The following TOR1B variants were observed in gnomAD, a reference collection of about 807,000 sequenced individuals.
The protein encoded by TOR1B is torsin-1B.
Under a neutral mutation model 29.2 loss-of-function variants are expected in TOR1B, and 14 were observed. That is an observed-to-expected ratio of 0.48 (90% confidence interval 0.32 to 0.75). The LOEUF (loss-of-function observed/expected upper bound fraction) is 0.75. Ranked by LOEUF, TOR1B falls within the 30% of genes least tolerant of loss-of-function variation. The pLI is 0.04. For missense variants in TOR1B, 400 were observed against 433.9 expected (o/e 0.92, Z 0.69); for synonymous variants, 166 against 179.8 (o/e 0.92, Z 0.62).
rs753851057 is a variant in TOR1B at position 129,803,399 on chromosome 9, C to T, written c.187C>T (p.Leu63Phe). The T allele has an allele frequency of 6.5e-7, 1 of 1,543,996 alleles. No individual in the cohort carries two copies. Among genetic ancestry groups the T allele is most frequent in the South Asian group, 1.2e-5 (1 of 84,456 alleles). ...FAECCREERP[L>F]NASALKLDLE... ...CGAGTGCTGCCGCGAGGAGCGGCCG[C>T]TCAACGCTTCGGGTACGGCGCGCGC... is the stretch of plus-strand genomic sequence containing the variant. The change falls in exon 1 of 5, where the codon CTC becomes TTC. Residue 63 changes from leucine (L) to phenylalanine (F), a missense_variant. By Grantham distance (22) the Leu-to-Phe change is conservative. Coordinates refer to ENST00000259339, the MANE Select transcript of TOR1B (RefSeq NM_014506.3).
Position 129,810,460 on chromosome 9 carries a change from CA to C in TOR1B, c.*878del, listed in dbSNP as rs2030800316. 2 of 1,165,572 alleles carry C rather than the reference CA, an allele frequency of 1.7e-6. No homozygotes were observed. The highest frequency in any genetic ancestry group is 3.2e-5 in the African/African-American group (2 of 62,758). 72.2% of individuals were successfully genotyped at this position (1,165,572 alleles called of 1,614,324 possible). A position where few individuals can be genotyped will look rare whatever the true frequency, so the allele number is the denominator to read the frequency against. ...ATACAGCCCTGGCTGTGGAATCCTT[CA>C]CCGTCTCAGCTGGTATCAGCCCCAG... On this transcript the variant is annotated 3_prime_UTR_variant, in exon 5 of 5. Coordinates refer to ENST00000259339, the MANE Select transcript of TOR1B (RefSeq NM_014506.3).
rs763823556 is a variant in TOR1B at position 129,804,249 on chromosome 9, C to A, written c.376C>A (p.Leu126Ile). 1.2e-6 allele frequency: 2 copies of A among 1,614,236 alleles called. No individual in the cohort carries two copies. The highest frequency in any genetic ancestry group is 1.7e-6 in the Non-Finnish European group (2 of 1,180,042). Residue 126 changes from leucine (L) to isoleucine (I), a missense_variant, in exon 2 of 5, where the codon CTT becomes ATT. Transcript: ENST00000259339. The part of the protein sequence containing the change: ...NFVSQIVAEN[L>I]HPKGLKSNFV... ...TGTCAGTCAAATTGTGGCTGAAAAT[C>A]TTCACCCAAAAGGTCTGAAGAGTAA...
At position 129,810,426 on chromosome 9, in the gene TOR1B, T is replaced by C; in HGVS notation, c.*843T>C. ...GGCCCCTCCCGCCTGTCCATCGCTC[T>C]AGCTGCTAATACAGCCCTGGCTGTG... is the stretch of plus-strand genomic sequence containing the variant. On this transcript the variant is annotated 3_prime_UTR_variant, in exon 5 of 5. Coordinates refer to ENST00000259339, the MANE Select transcript of TOR1B (RefSeq NM_014506.3). 1 of 1,205,928 alleles carries C rather than the reference T, an allele frequency of 8.3e-7. No homozygotes were observed. Among genetic ancestry groups the C allele is most frequent in the Non-Finnish European group, 1.1e-6 (1 of 940,466 alleles). 74.7% of individuals were successfully genotyped at this position (1,205,928 alleles called of 1,614,324 possible). A position where few individuals can be genotyped will look rare whatever the true frequency, so the allele number is the denominator to read the frequency against.
In TOR1B at chr9:129,810,144, G is replaced by T. The variant is rs2030761470; in HGVS notation, c.*561G>T. ...ACTTGCTGCAGGCTGGGGGGCACTG[G>T]GTGGTTCTCACCAGCAGGCTGCGGG... On this transcript the variant is annotated 3_prime_UTR_variant, in exon 5 of 5. Transcript: ENST00000259339. 7.7e-7 allele frequency: 1 copy of T among 1,303,144 alleles called. No homozygotes were observed. The highest frequency in any genetic ancestry group is 1.5e-5 in the African/African-American group (1 of 65,936). The allele number at this position is 1,303,144 out of a possible 1,614,324, so 80.7% of individuals were successfully genotyped here. A position where few individuals can be genotyped will look rare whatever the true frequency, so the allele number is the denominator to read the frequency against.
At chr9:129,804,389 G>C (rs1021637759) in intron 2 of TOR1B, 51 bp downstream of exon 2, 7 of 1,591,266 alleles carry the variant, frequency 4.4e-6, no homozygotes, top group Non-Finnish European at 6.0e-6. Context: ...ACTGGTCCGG[G>C]TGACCTGCTC....
At position 129,807,378 on chromosome 9, in the gene TOR1B, G is replaced by GT; in HGVS notation, c.641+21dup. On this transcript the variant is annotated intron_variant, in intron 3 of 4. Coordinates refer to ENST00000259339, the MANE Select transcript of TOR1B (RefSeq NM_014506.3). Reference sequence around the variant, plus strand: ...ATCTTTCTCAGGTCAGCGGGAGGCGGTTTTTTGGGGCACACAAGCCCTTCA... The same window carrying GT: ...ATCTTTCTCAGGTCAGCGGGAGGCGGTTTTTTTGGGGCACACAAGCCCTTCA... 6.2e-7 allele frequency: 1 copy of GT among 1,611,652 alleles called. No individual in the cohort carries two copies. Among genetic ancestry groups the GT allele is most frequent in the Non-Finnish European group, 8.5e-7 (1 of 1,178,358 alleles).
intron 2 of TOR1B, 100 bp from the exon 3 acceptor site, chr9:129,807,088 G>T: frequency 8.2e-7 from 1 of 1,217,532 alleles, no homozygotes; most frequent in South Asian, 1.5e-5. Flanking sequence ...TAAGAGCTCT[G>T]ACCTCGTCCT....
rs748717817 is a variant in TOR1B at position 129,811,055 on chromosome 9, C to T, written c.*1472C>T. 6.6e-6 allele frequency: 1 copy of T among 152,078 alleles called. No homozygotes were observed. 9.4% of individuals were successfully genotyped at this position (152,078 alleles called of 1,614,324 possible). On this transcript the variant is annotated 3_prime_UTR_variant, in exon 5 of 5. Transcript: ENST00000259339. ...CAGCTGCAGACACAACAACGTGCAG[C>T]ATTTTTTACATAAAAATATGGTAGA...
At chr9:129,805,583 C>T (rs1027006414) in intron 2 of TOR1B, among the ~76,000 whole-genome samples, 2 of 152,220 alleles carry the variant, frequency 1.3e-5, no homozygotes, top group Admixed American at 1.3e-4. Flanking sequence ...AGGGATTCCA[C>T]ATCCCCAGCA....
rs1564179166 is a variant in TOR1B, at chr9:129,809,377, C to T, written c.805C>T (p.Leu269Phe). The part of the protein sequence containing the change: ...LWHSGLIDKN[L>F]IDYFIPFLPL... The stretch of plus-strand genomic sequence containing the variant: ...GCACAGTGGACTGATCGACAAAAAC[C>T]TCATTGATTACTTTATCCCCTTCCT... Residue 269 changes from leucine to phenylalanine, a missense_variant, in exon 5 of 5, where the codon CTC (leucine) becomes TTC (phenylalanine). By Grantham distance (22) the Leu-to-Phe change is conservative. Coordinates refer to ENST00000259339, the MANE Select transcript of TOR1B (RefSeq NM_014506.3). The T allele has an allele frequency of 4.3e-6, 7 of 1,614,072 alleles. No homozygotes were observed. The highest frequency in any genetic ancestry group is 3.3e-5 in the Admixed American group (2 of 60,002).
In TOR1B at chr9:129,810,559, C is replaced by T; in HGVS notation, c.*976C>T. Reference sequence around the variant, plus strand: ...AACCATATATCATAGAGTTGAATCACAATGAGACCGTTGGCTTTGAATTTG... The same window carrying T: ...AACCATATATCATAGAGTTGAATCATAATGAGACCGTTGGCTTTGAATTTG... On this transcript the variant is annotated 3_prime_UTR_variant, in exon 5 of 5. Coordinates refer to ENST00000259339, the MANE Select transcript of TOR1B (RefSeq NM_014506.3). 1.9e-6 allele frequency: 1 copy of T among 517,344 alleles called. No individual in the cohort carries two copies. 32.0% of individuals were successfully genotyped at this position (517,344 alleles called of 1,614,324 possible).
At position 129,810,036 on chromosome 9, in the gene TOR1B, T is replaced by C; in HGVS notation, c.*453T>C. On this transcript the variant is annotated 3_prime_UTR_variant, in exon 5 of 5. Coordinates refer to ENST00000259339, the MANE Select transcript of TOR1B (RefSeq NM_014506.3). Reference sequence around the variant, plus strand: ...CGAGACAGAAGTACCTGAAAACAGCTGTGCATGGCAGGCCCGGCAATAGCT... The same window carrying C: ...CGAGACAGAAGTACCTGAAAACAGCCGTGCATGGCAGGCCCGGCAATAGCT... The C allele has an allele frequency of 6.6e-6, 8 of 1,212,682 alleles. No homozygotes were observed. Among genetic ancestry groups the C allele is most frequent in the Non-Finnish European group, 7.4e-6 (7 of 942,880 alleles). The allele number at this position is 1,212,682 out of a possible 1,614,324, so 75.1% of individuals were successfully genotyped here. A position where few individuals can be genotyped will look rare whatever the true frequency, so the allele number is the denominator to read the frequency against.
rs2030541574 is a variant in TOR1B at position 129,807,254 on chromosome 9, G to A, written c.532G>A (p.Glu178Lys). The part of the protein sequence containing the change: ...ACANSVFIFD[E>K]MDKLHPGIID... ...TGCGAACTCTGTTTTCATATTTGAC[G>A]AGATGGATAAATTGCACCCCGGGAT... Residue 178 changes from glutamate (E) to lysine (K), a missense_variant, in exon 3 of 5, where the codon GAG becomes AAG. Glu to Lys is a moderately conservative substitution (Grantham distance 56, BLOSUM62 1). Coordinates refer to ENST00000259339, the MANE Select transcript of TOR1B (RefSeq NM_014506.3). The A allele has an allele frequency of 5.6e-6, 9 of 1,614,002 alleles. No homozygotes were observed. The highest frequency in any genetic ancestry group is 1.3e-5 in the African/African-American group (1 of 74,898).
intron 3 of TOR1B, among the ~76,000 whole-genome samples, chr9:129,808,452 T>C (rs746067069): frequency 1.3e-5 from 2 of 151,688 alleles, no homozygotes; most frequent in African/African-American, 2.4e-5. Context: ...TGAGCTGATA[T>C]TGCGCCACTG....
intron 2 of TOR1B, among the ~76,000 whole-genome samples, chr9:129,805,024 G>A (rs2030393007): frequency 6.6e-6 from 1 of 151,712 alleles, no homozygotes. Context: ...TGTTGTCCCA[G>A]CTACTCGGGA....
intron 3 of TOR1B, among the ~76,000 whole-genome samples, chr9:129,807,883 C>T (rs1158421222): frequency 1.3e-5 from 2 of 150,398 alleles, no homozygotes; most frequent in Non-Finnish European, 3.0e-5. Context: ...TGATAGCAGG[C>T]AATTTTAGCT....
intron 3 of TOR1B, among the ~76,000 whole-genome samples, chr9:129,808,215 C>T (rs1267684735): frequency 2.6e-5 from 4 of 151,846 alleles, no homozygotes; most frequent in South Asian, 2.1e-4. Flanking sequence ...AATAGATCTT[C>T]GGCCGGGTGT....
At chr9:129,804,418 T>C in intron 2 of TOR1B, 80 bp downstream of exon 2, 1 of 1,546,200 alleles carries the variant, frequency 6.5e-7, no homozygotes, top group Non-Finnish European at 8.8e-7. Context: ...TGGCCTCTGC[T>C]TCTCTTTCCT....
At position 129,810,213 on chromosome 9, in the gene TOR1B, C is replaced by A. The variant is rs890164663; in HGVS notation, c.*630C>A. The stretch of plus-strand genomic sequence containing the variant: ...CCAAAAACATCCTTTTGCTCTGTCT[C>A]GTTCTTTACACAGAGTTCACTGACT... On this transcript the variant is annotated 3_prime_UTR_variant, in exon 5 of 5. Coordinates refer to ENST00000259339, the MANE Select transcript of TOR1B (RefSeq NM_014506.3). 11 of 1,304,224 alleles carry A rather than the reference C, an allele frequency of 8.4e-6. No individual in the cohort carries two copies. The highest frequency in any genetic ancestry group is 1.5e-5 in the African/African-American group (1 of 65,972). The allele number at this position is 1,304,224 out of a possible 1,614,324, so 80.8% of individuals were successfully genotyped here. A position where few individuals can be genotyped will look rare whatever the true frequency, so the allele number is the denominator to read the frequency against.
Sources: gnomAD v4.1 joint callset for allele counts (sites outside exome capture counted in the v4.1 genomes callset) on GRCh38, gnomAD v4.1.1 for gene constraint, MANE v1.5 for transcripts, NCBI Gene and HGNC (gene_info 2026-07-23, HGNC 2026-07-21) for gene names.